Variants in HTT observed in about 807,000 individuals in gnomAD.
The protein encoded by HTT is huntington disease protein.
HTT carries 104 observed loss-of-function variants against 362.3 expected under a neutral mutation model. That is an observed-to-expected ratio of 0.29 (90% CI 0.24 to 0.34). The LOEUF (loss-of-function observed/expected upper bound fraction) is 0.34. Ranked by LOEUF, HTT falls within the 10% of genes least tolerant of loss-of-function variation. The probability of loss-of-function intolerance (pLI) is 1.00; values close to 1 mark genes in which losing one functional copy is unlikely to be tolerated. For synonymous variants in HTT, 1,577 were observed against 1,548.7 expected (o/e 1.02, Z -0.43); for missense variants, 3,301 against 3,928.6 (o/e 0.84, Z 4.27).
chr4:3,141,062 C>T (rs888704890), intron 22 of HTT, among the ~76,000 whole-genome samples: 9 of 152,204 alleles, frequency 5.9e-5, no homozygotes, highest in African/African-American at 2.2e-4. Flanking sequence ...GGGTTATCCA[C>T]TAGTTCAGTG....
At chr4:3,187,529 T>A (rs1718824105) in intron 38 of HTT, 122 bp from the exon 39 acceptor site, 2 of 699,392 alleles carry the variant, frequency 2.9e-6, no homozygotes, top group Non-Finnish European at 5.0e-6. Context: ...GACTCAGTGA[T>A]AGAGAGGTTT....
intron 8 of HTT, among the ~76,000 whole-genome samples, chr4:3,119,518 G>C (rs1472083953): frequency 6.6e-6 from 1 of 152,132 alleles, no homozygotes; most frequent in Non-Finnish European, 1.5e-5. Flanking sequence ...TTATTGCAGT[G>C]AATAACATTT....
At chr4:3,075,784 A>C (rs1255046218) in intron 1 of HTT, among the ~76,000 whole-genome samples, 1 of 152,134 alleles carries the variant, frequency 6.6e-6, no homozygotes, top group African/African-American at 2.4e-5. Flanking sequence ...TGGTAGTAAC[A>C]CGATTTTAAG....
At chr4:3,101,718 T>C (rs1353078266) in intron 3 of HTT, among the ~76,000 whole-genome samples, 2 of 152,198 alleles carry the variant, frequency 1.3e-5, no homozygotes, top group Admixed American at 6.5e-5. Context: ...GCAGCATGCC[T>C]CCCTCAGGTA....
At chr4:3,160,508 C>T (rs1016736666) in intron 29 of HTT, 116 bp downstream of exon 29, 4 of 719,026 alleles carry the variant, frequency 5.6e-6, no homozygotes, top group Admixed American at 4.2e-5. Flanking sequence ...GGAGACTCCT[C>T]CCTGCCCCAC....
At chr4:3,188,044 A>T in intron 39 of HTT, 158 bp downstream of exon 39, 1 of 596,162 alleles carries the variant, frequency 1.7e-6, no homozygotes, top group Non-Finnish European at 3.0e-6. Context: ...GTCCTGCATT[A>T]TCTATGGCTC....
intron 47 of HTT, among the ~76,000 whole-genome samples, chr4:3,210,738 G>A (rs1418040401): frequency 6.6e-6 from 1 of 152,112 alleles, no homozygotes; most frequent in African/African-American, 2.4e-5. Flanking sequence ...GAGGGAAGTG[G>A]GCACCTGGGA....
rs759556699 is a variant in HTT at position 3,204,148 on chromosome 4, C to A, written c.5718C>A (p.Val1906=). The A allele has an allele frequency of 6.2e-7, 1 of 1,614,072 alleles. No individual in the cohort carries two copies. The highest frequency in any genetic ancestry group is 1.7e-5 in the Admixed American group (1 of 60,026). The change falls in exon 42 of 67, where the codon GTC becomes GTA. Residue 1906 remains valine (V), a splice_region_variant and synonymous_variant. Transcript: ENST00000355072. The part of the protein sequence containing the change: ...RGALILFCDY[V]CQNLHDSEHL... ...CTCTCATTCTCTTCTGTGATTATGTCGTAAGTTTGAAATGCCTGTAAACGG... is the reference window on the plus strand; with the variant it reads ...CTCTCATTCTCTTCTGTGATTATGTAGTAAGTTTGAAATGCCTGTAAACGG...
chr4:3,083,590 T>C lies in HTT; in HGVS notation c.264-3349T>C, dbSNP rs532804848. 4.5e-4 allele frequency among the ~76,000 whole-genome samples: 67 copies of C among 150,100 alleles called. 1 individual carries two copies. The highest frequency in any genetic ancestry group is 3.2e-3 in the East Asian group (16 of 5,008). ...ACACACACACACACACACACACATA[T>C]ATATGTATATATATGCATTTAGATG... On this transcript the variant is annotated intron_variant, in intron 1 of 66. Transcript: ENST00000355072.
chr4:3,104,008 C>A, intron 4 of HTT, 125 bp downstream of exon 4: 1 of 618,362 alleles, frequency 1.6e-6, no homozygotes, highest in Non-Finnish European at 2.9e-6. Flanking sequence ...TACAGGTATA[C>A]AATACATAAT....
At chr4:3,092,275 G>A (rs1204072949) in intron 2 of HTT, among the ~76,000 whole-genome samples, 1 of 152,128 alleles carries the variant, frequency 6.6e-6, no homozygotes, top group African/African-American at 2.4e-5. Flanking sequence ...GCGCCCCTCG[G>A]CCTCCCAGTG....
chr4:3,178,516 C>A (rs1353541816), intron 35 of HTT, 70 bp downstream of exon 35: 4 of 1,420,628 alleles, frequency 2.8e-6, no homozygotes, highest in Non-Finnish European at 3.9e-6. Context: ...TTTTCATATA[C>A]CCACTTTGAA....
chr4:3,140,072 C>T (rs934339237), intron 21 of HTT, among the ~76,000 whole-genome samples: 1 of 151,978 alleles, frequency 6.6e-6, no homozygotes, highest in African/African-American at 2.4e-5. Context: ...AACAGCCTGG[C>T]CAAGGTGATG....
rs753243984 is a variant in HTT at position 3,206,580 on chromosome 4, C to T, written c.5803C>T (p.Pro1935Ser). Residue 1935 changes from proline to serine, a missense_variant, in exon 43 of 67, where the codon CCA becomes TCA. By Grantham distance (74) the Pro-to-Ser change is moderately conservative (BLOSUM62 -1). Coordinates refer to ENST00000355072, the MANE Select transcript of HTT (RefSeq NM_001388492.1). This position sits in a 1 kb window ranked among gnomAD's most constrained non-coding sequence, Gnocchi z 4.6. ...QDLISLSHEP[P>S]VQDFISAVHR... ...TCTGATCAGCCTTTCCCACGAGCCT[C>T]CAGTACAGGACTTCATCAGTGCCGT... The T allele has an allele frequency of 1.2e-6, 2 of 1,614,118 alleles. No homozygotes were observed. The highest frequency in any genetic ancestry group is 1.1e-5 in the South Asian group (1 of 91,080).
intron 47 of HTT, among the ~76,000 whole-genome samples, chr4:3,211,580 A>G (rs1720162619): frequency 6.6e-6 from 1 of 152,190 alleles, no homozygotes. Flanking sequence ...TTGGTGTATC[A>G]CTGAGGTCTT....
In HTT at chr4:3,120,393, T is replaced by G. The variant is rs1715236978; in HGVS notation, c.1069-835T>G. On this transcript the variant is annotated intron_variant, in intron 8 of 66. Transcript: ENST00000355072. ...TTAAAGGGAAAAAGAATAAATTCAT[T>G]ATGTTCATATAATGTGATATAGCAG... 2.0e-5 allele frequency among the ~76,000 whole-genome samples: 3 copies of G among 152,322 alleles called. No homozygotes were observed. The South Asian group carries it at 6.2e-4, about 32-fold the overall frequency.
intron 65 of HTT, 45 bp from the exon 66 acceptor site, chr4:3,238,773 C>T (rs774334435): frequency 1.5e-5 from 22 of 1,438,102 alleles, no homozygotes; most frequent in South Asian, 4.0e-5. Flanking sequence ...AGGTGCTTCC[C>T]GTCCCCCCAG....
intron 1 of HTT, among the ~76,000 whole-genome samples, chr4:3,083,030 A>G (rs916298999): frequency 1.2e-4 from 19 of 152,116 alleles, no homozygotes; most frequent in African/African-American, 4.3e-4. Context: ...ATAGCGGGAG[A>G]AGAGAGGTCC....
chr4:3,149,285 G>C (rs1716762187), intron 26 of HTT, among the ~76,000 whole-genome samples: 1 of 143,886 alleles, frequency 6.9e-6, no homozygotes, highest in Non-Finnish European at 1.5e-5. Context: ...AGATAGACCA[G>C]TTCACATACT....
Sources: allele counts gnomAD v4.1 joint callset (sites outside exome capture counted in the v4.1 genomes callset), GRCh38; gene constraint gnomAD v4.1.1; non-coding constraint Gnocchi (gnomAD v3.1); transcripts MANE v1.5; gene names NCBI Gene and HGNC (gene_info 2026-07-23, HGNC 2026-07-21).